TRDN: variants seen among roughly 807,000 people sequenced by gnomAD.
The protein encoded by TRDN is triadin.
Under a neutral mutation model 149.7 loss-of-function variants are expected in TRDN, and 161 were observed. That is an observed-to-expected ratio of 1.08 (90% CI 0.95 to 1.23). The LOEUF (loss-of-function observed/expected upper bound fraction) is 1.23. Ranked by LOEUF, TRDN falls within the 50% of genes most tolerant of loss-of-function variation. The pLI is 0.00. For missense variants in TRDN, 896 were observed against 823.5 expected (o/e 1.09, Z -1.08); for synonymous variants, 294 against 250.5 (o/e 1.17, Z -1.64).
chr6:123,542,497 G>C (rs1348154769), intron 4 of TRDN, among the ~76,000 whole-genome samples: 1 of 152,114 alleles, frequency 6.6e-6, no homozygotes, highest in Non-Finnish European at 1.5e-5. Flanking sequence ...CTAATTCCTT[G>C]TTAGGAGCCT....
intron 1 of TRDN, among the ~76,000 whole-genome samples, chr6:123,590,913 A>G (rs1049818958): frequency 5.9e-5 from 9 of 152,182 alleles, no homozygotes; most frequent in Non-Finnish European, 8.8e-5. Flanking sequence ...AAGAATGGAA[A>G]CCACTGTTTT....
At chr6:123,259,708 G>T in intron 34 of TRDN, 46 bp from the exon 35 acceptor site, 2 of 1,363,530 alleles carry the variant, frequency 1.5e-6, no homozygotes, top group South Asian at 2.7e-5. Context: ...TAAAAAACAT[G>T]ACTTTCTTAC....
chr6:123,570,859 G>A, intron 2 of TRDN, 64 bp downstream of exon 2: 1 of 1,476,002 alleles, frequency 6.8e-7, no homozygotes, highest in Non-Finnish European at 9.4e-7. Flanking sequence ...AGGAACTGGA[G>A]GGGACACTGT....
intron 38 of TRDN, among the ~76,000 whole-genome samples, chr6:123,250,833 T>C (rs1045541185): frequency 3.3e-5 from 5 of 152,084 alleles, no homozygotes; most frequent in African/African-American, 1.2e-4. Flanking sequence ...CTGTGGCACA[T>C]TCTAAAATAT....
At chr6:123,219,407 C>T (rs1439224458) in intron 40 of TRDN, among the ~76,000 whole-genome samples, 1 of 151,808 alleles carries the variant, frequency 6.6e-6, no homozygotes, top group Non-Finnish European at 1.5e-5. Flanking sequence ...CATCTCCTCA[C>T]AATCTTGGGT....
intron 12 of TRDN, among the ~76,000 whole-genome samples, chr6:123,398,203 C>T (rs566986754): frequency 2.0e-5 from 3 of 152,286 alleles, no homozygotes; most frequent in South Asian, 4.1e-4. Context: ...GTCAGGGTTT[C>T]ACCATGTTGG....
chr6:123,305,576 G>T (rs576562940), intron 24 of TRDN, among the ~76,000 whole-genome samples: 1 of 152,046 alleles, frequency 6.6e-6, no homozygotes, highest in African/African-American at 2.4e-5. Context: ...TCACAAAACC[G>T]CCTGATGCCA....
At chr6:123,229,646 GA>G (rs1775522177) in intron 38 of TRDN, among the ~76,000 whole-genome samples, 1 of 151,854 alleles carries the variant, frequency 6.6e-6, no homozygotes, top group Admixed American at 6.6e-5. Flanking sequence ...GTCAAGGGTG[GA>G]CTTGGTTCTA....
In TRDN at chr6:123,438,094, C is replaced by G; in HGVS notation, c.1020G>C (p.Glu340Asp). Reference sequence around the variant, plus strand: ...TTTCCACATCAATGGCAGTTTCCTTCTCACTTTTCTTTTTGATATCTTCTT... The same window carrying G: ...TTTCCACATCAATGGCAGTTTCCTTGTCACTTTTCTTTTTGATATCTTCTT... ...KEKEDIKKKS[E>D]KETAIDVEKK... Residue 340 changes from glutamate to aspartate, a missense_variant, in exon 12 of 41, where the codon GAG (glutamate) becomes GAC (aspartate). Glu to Asp is a conservative substitution (Grantham distance 45, BLOSUM62 2). Coordinates refer to ENST00000334268, the MANE Select transcript of TRDN (RefSeq NM_006073.4). 1 of 1,592,650 alleles carries G rather than the reference C, an allele frequency of 6.3e-7. No homozygotes were observed. The highest frequency in any genetic ancestry group is 8.5e-7 in the Non-Finnish European group (1 of 1,172,478).
intron 9 of TRDN, among the ~76,000 whole-genome samples, chr6:123,472,235 A>G (rs34050012): frequency 0.026 from 3,973 of 152,154 alleles, 101 homozygotes; most frequent in South Asian, 0.046. Context: ...CACCGTGCGC[A>G]AGCCAAAGCA....
intron 7 of TRDN, among the ~76,000 whole-genome samples, chr6:123,509,219 C>T (rs9401679): frequency 0.83 from 126,316 of 151,778 alleles, 52,740 homozygotes; most frequent in East Asian, 0.88. Flanking sequence ...AGAAGAATGA[C>T]GTAAATATTT....
intron 8 of TRDN, chr6:123,502,985 C>A: frequency 1.0e-6 from 1 of 985,178 alleles, no homozygotes; most frequent in Non-Finnish European, 1.2e-6. Flanking sequence ...ACCTTCAGCT[C>A]TGTATATTCA....
rs1459895784 is a variant in TRDN at position 123,273,017 on chromosome 6, A to G, written c.1625-6T>C. On this transcript the variant is annotated splice_region_variant and splice_polypyrimidine_tract_variant and intron_variant, in intron 28 of 40. Coordinates refer to ENST00000334268, the MANE Select transcript of TRDN (RefSeq NM_006073.4). ...TGGTTTCACTATGTCTTGTTCTGAA[A>G]ATAATAAAAAGAAAATCTTTTTTAG... is the stretch of plus-strand genomic sequence containing the variant. 1 of 1,491,080 alleles carries G rather than the reference A, an allele frequency of 6.7e-7. No homozygotes were observed. Among genetic ancestry groups the G allele is most frequent in the Non-Finnish European group, 8.9e-7 (1 of 1,122,106 alleles). The allele number at this position is 1,491,080 out of a possible 1,614,324, so 92.4% of individuals were successfully genotyped here.
At position 123,570,719 on chromosome 6, in the gene TRDN, A is replaced by G. The variant is rs1046711065; in HGVS notation, c.232+204T>C. 3.3e-5 allele frequency among the ~76,000 whole-genome samples: 5 copies of G among 152,174 alleles called. No individual in the cohort carries two copies. The East Asian group carries it at 9.6e-4, about 29-fold the overall frequency. On this transcript the variant is annotated intron_variant, in intron 2 of 40. Transcript: ENST00000334268. ...CAAATAAGGATATCAATTTCATTGG[A>G]AATCAATAAGTACCACCGACAAAGA...
chr6:123,224,677 A>G (rs1775291899), intron 38 of TRDN, among the ~76,000 whole-genome samples: 1 of 151,784 alleles, frequency 6.6e-6, no homozygotes, highest in Non-Finnish European at 1.5e-5. Flanking sequence ...TCTCTTCAAT[A>G]TATACTGTTG....
intron 1 of TRDN, among the ~76,000 whole-genome samples, chr6:123,597,656 T>C (rs1452322650): frequency 6.6e-6 from 1 of 152,098 alleles, no homozygotes; most frequent in Non-Finnish European, 1.5e-5. Flanking sequence ...ACCACCATGA[T>C]TGGTCAGCAG....
At position 123,457,573 on chromosome 6, in the gene TRDN, C is replaced by A. The variant is rs564103406; in HGVS notation, c.931+7333G>T. On this transcript the variant is annotated intron_variant, in intron 10 of 40. Transcript: ENST00000334268. Reference sequence around the variant, plus strand: ...TCCCTTTTCATTTTCCTTTTTTTTTCTTTTGATGCTTTGTCACCTATTTGT... The same window carrying A: ...TCCCTTTTCATTTTCCTTTTTTTTTATTTTGATGCTTTGTCACCTATTTGT... 2,618 of 430,686 alleles carry A rather than the reference C, an allele frequency of 6.1e-3. 12 individuals carry two copies. The highest frequency in any genetic ancestry group is 9.0e-3 in the Non-Finnish European group (1,957 of 217,202). The allele number at this position is 430,686 out of a possible 1,614,324, so 26.7% of individuals were successfully genotyped here. A position where few individuals can be genotyped will look rare whatever the true frequency, so the allele number is the denominator to read the frequency against.
chr6:123,311,851 A>G (rs184575871), intron 24 of TRDN, among the ~76,000 whole-genome samples: 4 of 152,124 alleles, frequency 2.6e-5, no homozygotes, highest in African/African-American at 7.2e-5. Flanking sequence ...CACAGGATGT[A>G]TGACAGCGTC....
At chr6:123,318,909 C>T (rs1779138038) in intron 23 of TRDN, among the ~76,000 whole-genome samples, 1 of 152,030 alleles carries the variant, frequency 6.6e-6, no homozygotes, top group African/African-American at 2.4e-5. Flanking sequence ...TGTGGGCCCT[C>T]TTACTAGAAT....
Sources: allele counts gnomAD v4.1 joint callset (sites outside exome capture counted in the v4.1 genomes callset), GRCh38; gene constraint gnomAD v4.1.1; transcripts MANE v1.5; gene names NCBI Gene and HGNC (gene_info 2026-07-23, HGNC 2026-07-21).